IQGAP2: variants seen among roughly 807,000 people sequenced by gnomAD.
IQGAP2 encodes ras GTPase-activating-like protein IQGAP2.
In IQGAP2, 173 loss-of-function variants were observed where a neutral mutation model predicts 201.3. The ratio of observed to expected loss-of-function variants is 0.86; its 90% confidence interval spans 0.76 to 0.98. The LOEUF (loss-of-function observed/expected upper bound fraction) is 0.98, where lower values mean the gene tolerates loss of function less well. Ranked by LOEUF, IQGAP2 falls within the 50% of genes least tolerant of loss-of-function variation. The probability of loss-of-function intolerance (pLI) is 0.00; values close to 1 mark genes in which losing one functional copy is unlikely to be tolerated. For missense variants in IQGAP2, 1,687 were observed against 1,864.8 expected, an observed-to-expected ratio of 0.90 and a Z score of 1.76; for synonymous variants, 675 against 673.9, an observed-to-expected ratio of 1.00 and a Z score of -0.03.
chr5:76,484,789 T>C (rs1410697806), intron 2 of IQGAP2, among the ~76,000 whole-genome samples: 7 of 151,832 alleles, frequency 4.6e-5, no homozygotes, highest in Non-Finnish European at 1.0e-4. Flanking sequence ...GCACTGGGAT[T>C]ACAGGTGGCC....
intron 2 of IQGAP2, among the ~76,000 whole-genome samples, chr5:76,529,119 G>A (rs975873644): frequency 6.6e-6 from 1 of 152,202 alleles, no homozygotes; most frequent in African/African-American, 2.4e-5. Context: ...GCAGGTGGCA[G>A]TGTTGAGTGA....
intron 2 of IQGAP2, among the ~76,000 whole-genome samples, chr5:76,492,878 A>C (rs76665346): frequency 2.0e-5 from 3 of 152,180 alleles, no homozygotes. Flanking sequence ...AAATCACCTT[A>C]GTTGTCACGT....
In IQGAP2 at chr5:76,631,844, T is replaced by C; in HGVS notation, c.1613-15T>C. 1 of 1,540,888 alleles carries C rather than the reference T, an allele frequency of 6.5e-7. No homozygotes were observed. Among genetic ancestry groups the C allele is most frequent in the Non-Finnish European group, 8.8e-7 (1 of 1,141,204 alleles). ...AGATAACCATTAACAAGAAACTTTT[T>C]TTTCAATTACCCAGGGGTTACTCTG... On this transcript the variant is annotated splice_polypyrimidine_tract_variant and intron_variant, in intron 14 of 35. Coordinates refer to ENST00000274364, the MANE Select transcript of IQGAP2 (RefSeq NM_006633.5).
rs370668411 is a variant in IQGAP2, at chr5:76,673,907, C to T, written c.3210-45C>T. 1.9e-5 allele frequency: 22 copies of T among 1,145,110 alleles called. No homozygotes were observed. In the East Asian group the frequency reaches 2.1e-4, roughly 11 times the overall value. The allele number at this position is 1,145,110 out of a possible 1,614,324, so 70.9% of individuals were successfully genotyped here. A position where few individuals can be genotyped will look rare whatever the true frequency, so the allele number is the denominator to read the frequency against. On this transcript the variant is annotated intron_variant, in intron 25 of 35. Coordinates refer to ENST00000274364, the MANE Select transcript of IQGAP2 (RefSeq NM_006633.5). ...ATTGCTGTGTGTTTTTTCCTCACTC[C>T]GCCTTTTTTCCATTATTTTCTTTTG...
intron 3 of IQGAP2, 22 bp downstream of exon 3, chr5:76,562,574 T>C (rs747651591): frequency 6.2e-7 from 1 of 1,600,020 alleles, no homozygotes; most frequent in Non-Finnish European, 8.5e-7. Flanking sequence ...CTAATTGGTT[T>C]TGGCTTCCAG....
chr5:76,569,010 T>C (rs1306516365), intron 3 of IQGAP2, among the ~76,000 whole-genome samples: 2 of 152,324 alleles, frequency 1.3e-5, no homozygotes, highest in South Asian at 4.1e-4. Flanking sequence ...TTTTGCTGAG[T>C]TATAAACACT....
intron 2 of IQGAP2, among the ~76,000 whole-genome samples, chr5:76,496,761 C>CTTTTTCT (rs368129209): frequency 1.1e-5 from 1 of 89,048 alleles, no homozygotes; most frequent in Non-Finnish European, 2.1e-5. Flanking sequence ...TTCTTTCTTT[C>CTTTTTCT]TTTCTTTCTT....
chr5:76,473,033 G>A (rs1260129601), intron 2 of IQGAP2, among the ~76,000 whole-genome samples: 1 of 152,208 alleles, frequency 6.6e-6, no homozygotes, highest in Non-Finnish European at 1.5e-5. Flanking sequence ...CCAAGTCTTG[G>A]AAAAACTTAA....
intron 1 of IQGAP2, among the ~76,000 whole-genome samples, chr5:76,454,231 T>G (rs1190392196): frequency 6.6e-6 from 1 of 152,170 alleles, no homozygotes; most frequent in African/African-American, 2.4e-5. Flanking sequence ...TGGGCCTTAA[T>G]GTCTCCATGG....
chr5:76,630,340 C>T (rs952093411), intron 14 of IQGAP2, among the ~76,000 whole-genome samples: 5 of 152,190 alleles, frequency 3.3e-5, no homozygotes, highest in African/African-American at 1.2e-4. Flanking sequence ...AAGGACTCTT[C>T]TGGCAGCTCT....
At chr5:76,687,306 T>TA (rs1745865850) in intron 30 of IQGAP2, among the ~76,000 whole-genome samples, 1 of 152,224 alleles carries the variant, frequency 6.6e-6, no homozygotes, top group Non-Finnish European at 1.5e-5. Flanking sequence ...ACTGACTGGT[T>TA]AGCCATCCCT....
At chr5:76,514,970 G>C (rs1420809659) in intron 2 of IQGAP2, among the ~76,000 whole-genome samples, 1 of 152,170 alleles carries the variant, frequency 6.6e-6, no homozygotes, top group Non-Finnish European at 1.5e-5. Context: ...GACTGTTATT[G>C]TGACGTACAG....
At chr5:76,523,087 T>C (rs2150197215) in intron 2 of IQGAP2, among the ~76,000 whole-genome samples, 1 of 144,442 alleles carries the variant, frequency 6.9e-6, no homozygotes, top group Non-Finnish European at 1.5e-5. Flanking sequence ...TTTTTTTTTT[T>C]TTTTTTTTTT....
Position 76,583,445 on chromosome 5 carries a change from T to TA in IQGAP2, c.459-5452dup, listed in dbSNP as rs201161548. Among the ~76,000 whole-genome samples, 796 of 150,830 alleles carry TA rather than the reference T, an allele frequency of 5.3e-3. 8 individuals are homozygous for TA. Among genetic ancestry groups the TA allele is most frequent in the African/African-American group, 0.018 (730 of 41,092 alleles). ...AGTTTAAACCTCAACATCAATGATT[T>TA]AAAAAAAAAGAAAAAAAGTTGAAAA... On this transcript the variant is annotated intron_variant, in intron 5 of 35. Coordinates refer to ENST00000274364, the MANE Select transcript of IQGAP2 (RefSeq NM_006633.5).
intron 2 of IQGAP2, among the ~76,000 whole-genome samples, chr5:76,489,631 C>T (rs912861644): frequency 1.3e-5 from 2 of 151,984 alleles, no homozygotes; most frequent in Non-Finnish European, 2.9e-5. Context: ...CAGGCTAACT[C>T]TTTTGGATTT....
chr5:76,610,875 C>T (rs77028445), intron 12 of IQGAP2, 145 bp from the exon 13 acceptor site: 38,678 of 543,432 alleles, frequency 0.071, 4,005 homozygotes, highest in East Asian at 0.41. Flanking sequence ...TTATTATGAG[C>T]GTATAGACAC....
At chr5:76,505,253 GTGAA>G (rs1757549199) in intron 2 of IQGAP2, among the ~76,000 whole-genome samples, 2 of 152,360 alleles carry the variant, frequency 1.3e-5, no homozygotes, top group African/African-American at 2.4e-5. Context: ...GAATGAATGA[GTGAA>G]TGAATGTCAG....
chr5:76,424,735 C>T (rs1377754129), intron 1 of IQGAP2, among the ~76,000 whole-genome samples: 3 of 152,204 alleles, frequency 2.0e-5, no homozygotes, highest in Non-Finnish European at 2.9e-5. Context: ...GCGACATGGC[C>T]CACTGGCCCA....
chr5:76,436,752 T>A (rs1752730040), intron 1 of IQGAP2, among the ~76,000 whole-genome samples: 1 of 150,814 alleles, frequency 6.6e-6, no homozygotes, highest in African/African-American at 2.4e-5. Flanking sequence ...ATGGTCTCGA[T>A]CTTTTGGCCT....
Sources: allele counts gnomAD v4.1 joint callset (sites outside exome capture counted in the v4.1 genomes callset), GRCh38; gene constraint gnomAD v4.1.1; transcripts MANE v1.5; gene names NCBI Gene and HGNC (gene_info 2026-07-23, HGNC 2026-07-21).